ABCC4: variants seen among roughly 807,000 people sequenced by gnomAD.
The protein encoded by ABCC4 is ATP binding cassette subfamily C member 4 (PEL blood group), also known as ATP-binding cassette sub-family C member 4.
A neutral mutation model predicts 168.5 loss-of-function variants in ABCC4; 102 were observed. That is an observed-to-expected ratio of 0.61 (90% confidence interval 0.52 to 0.71). The LOEUF (loss-of-function observed/expected upper bound fraction) is 0.71, where lower values mean the gene tolerates loss of function less well. Among genes scored for constraint, ABCC4 ranks in the 30% least tolerant of loss-of-function variants. The pLI, the probability that ABCC4 is intolerant of heterozygous loss-of-function variation, is 0.00. For missense variants in ABCC4, 1,402 were observed against 1,605.8 expected, an observed-to-expected ratio of 0.87 and a Z score of 2.17; for synonymous variants, 617 against 590.7, an observed-to-expected ratio of 1.04 and a Z score of -0.65.
At chr13:95,261,421 C>G (rs9524869) in intron 1 of ABCC4, among the ~76,000 whole-genome samples, 50,152 of 151,916 alleles carry the variant, frequency 0.33, 10,885 homozygotes, top group African/African-American at 0.62. Flanking sequence ...TGCAACTCCA[C>G]CCTGGGCGAC....
At chr13:95,296,184 A>AC (rs1491375818) in intron 1 of ABCC4, among the ~76,000 whole-genome samples, 627 of 10,222 alleles carry the variant, frequency 0.061, 20 homozygotes, top group East Asian at 0.24. Flanking sequence ...ACACACACAC[A>AC]AAAACACAAA....
chr13:95,298,411 G>T (rs980890309), intron 1 of ABCC4, among the ~76,000 whole-genome samples: 2 of 152,114 alleles, frequency 1.3e-5, no homozygotes, highest in Non-Finnish European at 2.9e-5. Flanking sequence ...CTCAAATCAG[G>T]ATCACCTGGA....
intron 4 of ABCC4, among the ~76,000 whole-genome samples, chr13:95,225,151 TCTCACACACA>T (rs1352941747): frequency 1.5e-3 from 46 of 30,628 alleles, no homozygotes; most frequent in Non-Finnish European, 2.9e-3. Context: ...TCTCTCTCTC[TCTCACACACA>T]CACACACACA....
At position 95,071,619 on chromosome 13, in the gene ABCC4, A is replaced by C. The variant is rs11568667; in HGVS notation, c.3210+43T>G. ...GAAGACAACAAGCAGACATAGCACT[A>C]AATCTTCTGAAATTGAGAAGAGGCA... is the stretch of plus-strand genomic sequence containing the variant. On this transcript the variant is annotated intron_variant, in intron 25 of 30. Transcript: ENST00000645237. 8,108 of 1,383,864 alleles carry C rather than the reference A, an allele frequency of 5.9e-3. 36 individuals are homozygous for C. Among genetic ancestry groups the C allele is most frequent in the Non-Finnish European group, 6.2e-3 (6,505 of 1,056,866 alleles). 85.7% of individuals were successfully genotyped at this position (1,383,864 alleles called of 1,614,324 possible).
chr13:95,232,399 C>T (rs2039647732), intron 4 of ABCC4, among the ~76,000 whole-genome samples: 1 of 152,116 alleles, frequency 6.6e-6, no homozygotes, highest in Non-Finnish European at 1.5e-5. Flanking sequence ...TTTAAATGGG[C>T]TGGGTGCGGT....
intron 1 of ABCC4, among the ~76,000 whole-genome samples, chr13:95,250,658 G>C (rs968564407): frequency 1.7e-4 from 26 of 151,968 alleles, no homozygotes; most frequent in Non-Finnish European, 2.9e-5. Flanking sequence ...TCTTAGACAA[G>C]GGTTAGTAGA....
chr13:95,149,280 C>T (rs1022370001), intron 19 of ABCC4, among the ~76,000 whole-genome samples: 3 of 152,198 alleles, frequency 2.0e-5, no homozygotes, highest in African/African-American at 4.8e-5. Flanking sequence ...CACGTCAAGA[C>T]TAACTTTTCC....
chr13:95,044,234 G>T, intron 28 of ABCC4, 32 bp downstream of exon 28: 2 of 1,556,192 alleles, frequency 1.3e-6, no homozygotes, highest in South Asian at 1.2e-5. Context: ...TTAAAATGTG[G>T]ACTCAAGGTT....
intron 23 of ABCC4, 53 bp from the exon 24 acceptor site, chr13:95,073,357 T>C: frequency 1.5e-6 from 2 of 1,362,806 alleles, no homozygotes; most frequent in Non-Finnish European, 2.1e-6. Context: ...AACCTAAGCC[T>C]GGCTCCTTCT....
Position 95,216,527 on chromosome 13 carries a change from C to T in ABCC4, c.532-5746G>A, listed in dbSNP as rs183473512. ...ACCCAAAATATCTTTAATAAATCAA[C>T]GGCCCCTACATATCGATATGAATTA... On this transcript the variant is annotated intron_variant, in intron 4 of 30. Transcript: ENST00000645237. Among the ~76,000 whole-genome samples the T allele has an allele frequency of 6.7e-5, 10 of 150,372 alleles. No homozygotes were observed. In the East Asian group the frequency reaches 7.9e-4, roughly 12 times the overall value.
intron 19 of ABCC4, among the ~76,000 whole-genome samples, chr13:95,126,538 C>T (rs1395197362): frequency 1.3e-5 from 2 of 151,522 alleles, no homozygotes; most frequent in Admixed American, 1.3e-4. Context: ...ACAATGGGCC[C>T]TCCCACTACC....
chr13:95,159,093 T>TATATATA (rs2036982333), intron 19 of ABCC4, among the ~76,000 whole-genome samples: 1 of 61,014 alleles, frequency 1.6e-5, no homozygotes, highest in Non-Finnish European at 3.5e-5. Flanking sequence ...TAAATAAATT[T>TATATATA]TATATATATA....
At position 95,071,702 on chromosome 13, in the gene ABCC4, A is replaced by G. The variant is rs1367102712; in HGVS notation, c.3170T>C (p.Val1057Ala). The change falls in exon 25 of 31, where the codon GTA becomes GCA. Residue 1057 changes from valine to alanine, a missense_variant. This residue lies in a region of ABCC4 where 1,007 missense variants were observed against 1,127.3 expected (regional missense o/e 0.89). Transcript: ENST00000645237. ...NFMYSPGGPL[V>A]LKHLTALIKS... ...AATGAGTGCTGTCAGATGCTTCAGT[A>G]CCAGAGGCCCACCTGGACTGTACAT... 1.3e-6 allele frequency: 2 copies of G among 1,545,774 alleles called. No homozygotes were observed. Among genetic ancestry groups the G allele is most frequent in the Admixed American group, 2.1e-5 (1 of 47,528 alleles).
intron 1 of ABCC4, among the ~76,000 whole-genome samples, chr13:95,291,978 T>C (rs2041415577): frequency 6.6e-6 from 1 of 152,098 alleles, no homozygotes; most frequent in Non-Finnish European, 1.5e-5. Context: ...AACTTCTCCA[T>C]GAGCCCCAAA....
intron 1 of ABCC4, among the ~76,000 whole-genome samples, chr13:95,263,544 C>T (rs530363541): frequency 2.0e-5 from 3 of 152,070 alleles, no homozygotes; most frequent in Admixed American, 6.6e-5. Context: ...ATGCCTAGGC[C>T]GGGCACAGTG....
intron 20 of ABCC4, among the ~76,000 whole-genome samples, chr13:95,087,478 A>C (rs1176696684): frequency 6.6e-6 from 1 of 152,134 alleles, no homozygotes; most frequent in Non-Finnish European, 1.5e-5. Context: ...ACAGAGCAAG[A>C]CTCTGTCTCA....
In ABCC4 at chr13:95,207,940, A is replaced by G; in HGVS notation, c.786-15T>C. On this transcript the variant is annotated splice_polypyrimidine_tract_variant and intron_variant, in intron 6 of 30. Transcript: ENST00000645237. ...CAGTTTTACTCCTAAGGGGAACCAG[A>G]CACGGGAGATGAGCCTGAGCGATCA... The G allele has an allele frequency of 1.2e-6, 2 of 1,611,234 alleles. No individual in the cohort carries two copies. Among genetic ancestry groups the G allele is most frequent in the Non-Finnish European group, 1.7e-6 (2 of 1,179,342 alleles).
intron 9 of ABCC4, among the ~76,000 whole-genome samples, chr13:95,188,841 C>T (rs550033902): frequency 2.0e-5 from 3 of 152,252 alleles, no homozygotes; most frequent in African/African-American, 7.2e-5. Flanking sequence ...ACAAGACAAG[C>T]TTCTTGAAAT....
intron 1 of ABCC4, among the ~76,000 whole-genome samples, chr13:95,298,554 C>A (rs2138973939): frequency 6.6e-6 from 1 of 152,294 alleles, no homozygotes; most frequent in East Asian, 1.9e-4. Context: ...GCTCTGAGTG[C>A]TATGCTTTGA....
Sources: allele counts gnomAD v4.1 joint callset (sites outside exome capture counted in the v4.1 genomes callset), GRCh38; gene constraint gnomAD v4.1.1; regional missense constraint gnomAD v4.1.1; transcripts MANE v1.5; gene names NCBI Gene and HGNC (gene_info 2026-07-23, HGNC 2026-07-21).